Variants in STX8 observed in about 807,000 individuals in gnomAD.
STX8 encodes syntaxin 8.
Under a neutral mutation model 37.5 loss-of-function variants are expected in STX8, and 23 were observed. The ratio of observed to expected loss-of-function variants is 0.61; its 90% CI spans 0.44 to 0.87. The LOEUF (loss-of-function observed/expected upper bound fraction) is 0.87, where lower values mean the gene tolerates loss of function less well. Among genes scored for constraint, STX8 ranks in the 40% least tolerant of loss-of-function variants. The pLI, the probability that STX8 is intolerant of heterozygous loss-of-function variation, is 0.00. For missense variants in STX8, 313 were observed against 284.7 expected (o/e 1.10, Z -0.71); for synonymous variants, 115 against 99.1 (o/e 1.16, Z -0.95).
At chr17:9,278,805 G>A (rs1446692506) in intron 7 of STX8, among the ~76,000 whole-genome samples, 3 of 152,052 alleles carry the variant, frequency 2.0e-5, no homozygotes, top group African/African-American at 7.2e-5. Flanking sequence ...CAGGGTGGGT[G>A]CAGGGGGTAC....
chr17:9,420,636 T>G (rs1913390167), intron 6 of STX8, among the ~76,000 whole-genome samples: 1 of 152,168 alleles, frequency 6.6e-6, no homozygotes, highest in Non-Finnish European at 1.5e-5. Context: ...AACACCAACC[T>G]TCTTGAGAGG....
chr17:9,401,608 C>A (rs1912620352), intron 6 of STX8, among the ~76,000 whole-genome samples: 1 of 152,194 alleles, frequency 6.6e-6, no homozygotes, highest in Non-Finnish European at 1.5e-5. Context: ...GCTCATGCCT[C>A]TCCTGTCTCA....
intron 7 of STX8, among the ~76,000 whole-genome samples, chr17:9,273,732 TG>T (rs1356358814): frequency 6.6e-6 from 1 of 152,266 alleles, no homozygotes; most frequent in Non-Finnish European, 1.5e-5. Context: ...TACAGGCTAT[TG>T]GCTAATTGCA....
At chr17:9,455,051 AC>A (rs1415795789) in intron 6 of STX8, among the ~76,000 whole-genome samples, 2 of 152,160 alleles carry the variant, frequency 1.3e-5, no homozygotes, top group Non-Finnish European at 2.9e-5. Context: ...CCCCGTCTCT[AC>A]AAAAAATTAA....
intron 6 of STX8, among the ~76,000 whole-genome samples, chr17:9,485,797 G>C (rs1394607423): frequency 2.6e-5 from 4 of 151,628 alleles, no homozygotes; most frequent in Admixed American, 1.3e-4. Context: ...TATTGACCAG[G>C]CTGGTCTCAA....
chr17:9,250,716 C>T (rs1906542275), intron 7 of STX8, 71 bp from the exon 8 acceptor site: 6 of 1,445,386 alleles, frequency 4.2e-6, no homozygotes, highest in Non-Finnish European at 5.7e-6. Context: ...TTCTGAGTGT[C>T]TGCAGAGACT....
At chr17:9,501,565 C>A (rs1045711054) in intron 5 of STX8, among the ~76,000 whole-genome samples, 3 of 152,040 alleles carry the variant, frequency 2.0e-5, no homozygotes, top group Admixed American at 6.6e-5. Context: ...GTGGTACATG[C>A]CTGTAATCCC....
intron 6 of STX8, among the ~76,000 whole-genome samples, chr17:9,448,380 C>G (rs548089593): frequency 6.6e-6 from 1 of 152,208 alleles, no homozygotes; most frequent in African/African-American, 2.4e-5. Context: ...GCCCTGCCTT[C>G]TCGTTTCAGC....
At chr17:9,549,380 T>C (rs1226989483) in intron 3 of STX8, among the ~76,000 whole-genome samples, 3 of 152,146 alleles carry the variant, frequency 2.0e-5, no homozygotes, top group East Asian at 1.9e-4. Flanking sequence ...ACCCACACAG[T>C]TGATGCTAGA....
chr17:9,269,179 T>A (rs1027669437), intron 7 of STX8, among the ~76,000 whole-genome samples: 2 of 121,800 alleles, frequency 1.6e-5, no homozygotes, highest in Admixed American at 8.4e-5. Flanking sequence ...AGAGCAAGAC[T>A]CCGTCTCAAA....
chr17:9,489,209 A>T (rs1197957405), intron 6 of STX8, among the ~76,000 whole-genome samples: 2 of 152,152 alleles, frequency 1.3e-5, no homozygotes, highest in South Asian at 2.1e-4. Context: ...ACTGGTGGTA[A>T]TTTGTTACAA....
chr17:9,501,882 T>C (rs1814770202), intron 5 of STX8, among the ~76,000 whole-genome samples: 2 of 151,896 alleles, frequency 1.3e-5, no homozygotes, highest in South Asian at 2.1e-4. Context: ...GGCAGGAGAA[T>C]AGCGTGAACC....
At chr17:9,408,696 T>G (rs1912878546) in intron 6 of STX8, among the ~76,000 whole-genome samples, 2 of 152,240 alleles carry the variant, frequency 1.3e-5, no homozygotes, top group Admixed American at 1.3e-4. Flanking sequence ...GGTTAACTTT[T>G]TTCTTTATAA....
chr17:9,253,709 G>A (rs1205081100), intron 7 of STX8, among the ~76,000 whole-genome samples: 1 of 152,094 alleles, frequency 6.6e-6, no homozygotes, highest in Non-Finnish European at 1.5e-5. Context: ...CAGTTGGGAG[G>A]ACACTTGGGC....
At position 9,301,496 on chromosome 17, in the gene STX8, T is replaced by C. The variant is rs1237372808; in HGVS notation, c.644-50851A>G. Among the ~76,000 whole-genome samples, 14 of 151,796 alleles carry C rather than the reference T, an allele frequency of 9.2e-5. No individual in the cohort carries two copies. The South Asian group carries it at 1.9e-3, about 20-fold the overall frequency. ...TTATTTATTTATTTATTTATATTTA[T>C]TTTTGAGATGGAGTCTCACTCTGTC... is the stretch of plus-strand genomic sequence containing the variant. On this transcript the variant is annotated intron_variant, in intron 7 of 7. Coordinates refer to ENST00000306357, the MANE Select transcript of STX8 (RefSeq NM_004853.3).
intron 7 of STX8, among the ~76,000 whole-genome samples, chr17:9,342,938 CT>C (rs1479604519): frequency 6.6e-6 from 1 of 150,528 alleles, no homozygotes; most frequent in Admixed American, 6.6e-5. Flanking sequence ...GGAGAATCGC[CT>C]GAACCCGGGA....
At chr17:9,354,847 G>T (rs985525940) in intron 7 of STX8, among the ~76,000 whole-genome samples, 1 of 152,046 alleles carries the variant, frequency 6.6e-6, no homozygotes, top group Non-Finnish European at 1.5e-5. Flanking sequence ...TTGGTCTGTT[G>T]TGCAGCCTTC....
intron 5 of STX8, among the ~76,000 whole-genome samples, chr17:9,498,760 A>C (rs8065135): frequency 1.3e-5 from 2 of 152,118 alleles, no homozygotes; most frequent in Non-Finnish European, 2.9e-5. Context: ...TAGAAAATTC[A>C]TAAGACTAGA....
At chr17:9,560,397 C>CAAAAAAAAAAAAAAAAAAAAAAA (rs36044353) in intron 2 of STX8, among the ~76,000 whole-genome samples, 1 of 93,414 alleles carries the variant, frequency 1.1e-5, no homozygotes, top group Non-Finnish European at 1.9e-5. Flanking sequence ...GACTCCATCT[C>CAAAAAAAAAAAAAAAAAAAAAAA]AAAAAAAAAA....
Sources: allele counts gnomAD v4.1 joint callset (sites outside exome capture counted in the v4.1 genomes callset), GRCh38; gene constraint gnomAD v4.1.1; transcripts MANE v1.5; gene names NCBI Gene and HGNC (gene_info 2026-07-23, HGNC 2026-07-21).